Variants in CRYL1 observed in about 807,000 individuals in gnomAD.
The protein encoded by CRYL1 is crystallin lambda 1, also known as lambda-crystallin homolog.
In CRYL1, 29 loss-of-function variants were observed where a neutral mutation model predicts 36.6. The ratio of observed to expected loss-of-function variants is 0.79; its 90% CI spans 0.59 to 1.08. The LOEUF (loss-of-function observed/expected upper bound fraction) is 1.08. Ranked by LOEUF, CRYL1 falls within the 50% of genes least tolerant of loss-of-function variation. CRYL1 has a pLI of 0.00. For missense variants in CRYL1, 411 were observed against 407.9 expected, an observed-to-expected ratio of 1.01 and a Z score of -0.06; for synonymous variants, 152 against 151.5, an observed-to-expected ratio of 1.00 and a Z score of -0.02.
intron 2 of CRYL1, among the ~76,000 whole-genome samples, chr13:20,510,564 T>C (rs1312670403): frequency 1.3e-5 from 2 of 151,786 alleles, no homozygotes; most frequent in African/African-American, 4.8e-5. Flanking sequence ...TAGATACATG[T>C]CAGTATACAT....
At chr13:20,462,128 G>A (rs1422560853) in intron 3 of CRYL1, among the ~76,000 whole-genome samples, 1 of 84,658 alleles carries the variant, frequency 1.2e-5, no homozygotes, top group Non-Finnish European at 2.6e-5. Flanking sequence ...CCTGGTGGGA[G>A]GGATGGAGTG....
At chr13:20,424,760 C>A (rs1276355104) in intron 5 of CRYL1, among the ~76,000 whole-genome samples, 1 of 152,196 alleles carries the variant, frequency 6.6e-6, no homozygotes, top group East Asian at 1.9e-4. Context: ...AGGGAGAACA[C>A]ATCCTTTCTG....
rs1281067236 is a variant in CRYL1, at chr13:20,525,711, TC to T, written c.41+42del. The T allele has an allele frequency of 6.0e-6, 8 of 1,330,018 alleles. No homozygotes were observed. Among genetic ancestry groups the T allele is most frequent in the Middle Eastern group, 2.6e-4 (1 of 3,892 alleles). 82.4% of individuals were successfully genotyped at this position (1,330,018 alleles called of 1,614,324 possible). A position where few individuals can be genotyped will look rare whatever the true frequency, so the allele number is the denominator to read the frequency against. On this transcript the variant is annotated intron_variant, in intron 1 of 7. Coordinates refer to ENST00000298248, the MANE Select transcript of CRYL1 (RefSeq NM_015974.3). The surrounding 1 kb of genome is among the most constrained non-coding windows in gnomAD (Gnocchi z 4.3). ...GCGAGGGCACCACGTCCCCGGCGTC[TC>T]CCCGGGCTCCAGGGGCAGCAGCGCG...
At chr13:20,442,983 A>G (rs1593447833) in intron 3 of CRYL1, among the ~76,000 whole-genome samples, 1 of 152,242 alleles carries the variant, frequency 6.6e-6, no homozygotes, top group East Asian at 1.9e-4. Context: ...CTCAGGCAGT[A>G]TCAGCAGCTG....
At chr13:20,422,832 G>A (rs1237200381) in intron 5 of CRYL1, among the ~76,000 whole-genome samples, 1 of 152,156 alleles carries the variant, frequency 6.6e-6, no homozygotes, top group Non-Finnish European at 1.5e-5. Context: ...AAATGCCACT[G>A]GAAGTTTGAT....
At position 20,410,234 on chromosome 13, in the gene CRYL1, G is replaced by A. The variant is rs535752179; in HGVS notation, c.739+3048C>T. Among the ~76,000 whole-genome samples the A allele has an allele frequency of 4.3e-4, 63 of 147,430 alleles. No homozygotes were observed. In the South Asian group the frequency reaches 0.014, roughly 32 times the overall value. On this transcript the variant is annotated intron_variant, in intron 6 of 7. Coordinates refer to ENST00000298248, the MANE Select transcript of CRYL1 (RefSeq NM_015974.3). ...ATGATGAGTTCATGTCCTCTGTAAG[G>A]ACATGGATGAAATTGGAAATCATCA... is the stretch of plus-strand genomic sequence containing the variant.
At chr13:20,444,727 T>C (rs1291233300) in intron 3 of CRYL1, among the ~76,000 whole-genome samples, 1 of 152,218 alleles carries the variant, frequency 6.6e-6, no homozygotes, top group Non-Finnish European at 1.5e-5. Flanking sequence ...TGAATACAAA[T>C]GTTTTTGGGG....
At chr13:20,487,467 G>A (rs2033423269) in intron 3 of CRYL1, among the ~76,000 whole-genome samples, 1 of 152,202 alleles carries the variant, frequency 6.6e-6, no homozygotes, top group African/African-American at 2.4e-5. Flanking sequence ...GACTCAAAAA[G>A]TGATTGTAAT....
In CRYL1 at chr13:20,414,254, T is replaced by TG. The variant is rs879313627; in HGVS notation, c.634-868_634-867insC. Among the ~76,000 whole-genome samples, 5,076 of 149,568 alleles carry TG rather than the reference T, an allele frequency of 0.034. 231 individuals carry two copies. Among genetic ancestry groups the TG allele is most frequent in the Admixed American group, 0.1 (1,570 of 15,164 alleles). On this transcript the variant is annotated intron_variant, in intron 5 of 7. Transcript: ENST00000298248. ...ATATGTATACACTAAAAAGAGATTT[T>TG]TTGTGTGTGTGTGTGTGTGTGTGAA...
intron 5 of CRYL1, chr13:20,427,244 C>G (rs2031953500): frequency 1.0e-6 from 1 of 985,278 alleles, no homozygotes; most frequent in African/African-American, 1.7e-5. Flanking sequence ...AGATTGTGGC[C>G]AGACATGTCC....
At chr13:20,428,879 A>T (rs1465951908) in intron 5 of CRYL1, among the ~76,000 whole-genome samples, 4 of 152,102 alleles carry the variant, frequency 2.6e-5, no homozygotes, top group Admixed American at 2.6e-4. Context: ...GCCCTGAACC[A>T]AGTCACCTGG....
At position 20,517,861 on chromosome 13, in the gene CRYL1, G is replaced by A. The variant is rs1014978099; in HGVS notation, c.42-5311C>T. Reference sequence around the variant, plus strand: ...TGAGGCAGGAGAATGGCGTGAACCCGGGAGGCGGAGCTTGCAGTGAGCCGA... The same window carrying A: ...TGAGGCAGGAGAATGGCGTGAACCCAGGAGGCGGAGCTTGCAGTGAGCCGA... On this transcript the variant is annotated intron_variant, in intron 1 of 7. Transcript: ENST00000298248. 4.0e-5 allele frequency among the ~76,000 whole-genome samples: 6 copies of A among 149,630 alleles called. No individual in the cohort carries two copies. The East Asian group carries it at 5.9e-4, about 15-fold the overall frequency.
intron 3 of CRYL1, among the ~76,000 whole-genome samples, chr13:20,450,002 A>G (rs1027154921): frequency 1.3e-5 from 2 of 152,266 alleles, no homozygotes; most frequent in African/African-American, 4.8e-5. Context: ...TAATATTGTT[A>G]ACATGGCCAT....
intron 3 of CRYL1, among the ~76,000 whole-genome samples, chr13:20,456,492 A>AAAAAG (rs1330504841): frequency 6.6e-6 from 1 of 151,354 alleles, no homozygotes; most frequent in Non-Finnish European, 1.5e-5. Context: ...AAAAAAAAAA[A>AAAAAG]AAAAGAAAAG....
intron 1 of CRYL1, among the ~76,000 whole-genome samples, chr13:20,519,251 GA>G: frequency 6.6e-6 from 1 of 152,274 alleles, no homozygotes; most frequent in South Asian, 2.1e-4. Context: ...GTGTAGTCAG[GA>G]AAGTGAAGGG....
At chr13:20,488,664 A>C (rs556725611) in intron 3 of CRYL1, among the ~76,000 whole-genome samples, 1 of 152,374 alleles carries the variant, frequency 6.6e-6, no homozygotes, top group East Asian at 1.9e-4. Context: ...GATACTGGGA[A>C]TAATGACTCT....
At chr13:20,467,876 A>G (rs2032974593) in intron 3 of CRYL1, among the ~76,000 whole-genome samples, 2 of 152,202 alleles carry the variant, frequency 1.3e-5, no homozygotes, top group Non-Finnish European at 2.9e-5. Context: ...CAGGCCACGC[A>G]GCAGGAGGTG....
chr13:20,469,213 A>G (rs1336414190), intron 3 of CRYL1, among the ~76,000 whole-genome samples: 1 of 152,254 alleles, frequency 6.6e-6, no homozygotes, highest in African/African-American at 2.4e-5. Context: ...CCACATAGGA[A>G]GATGTCAAGG....
rs185173360 is a variant in CRYL1 at position 20,517,526 on chromosome 13, C to T, written c.42-4976G>A. Among the ~76,000 whole-genome samples, 679 of 151,846 alleles carry T rather than the reference C, an allele frequency of 4.5e-3. 8 individuals carry two copies. Among genetic ancestry groups the T allele is most frequent in the African/African-American group, 0.016 (642 of 41,370 alleles). On this transcript the variant is annotated intron_variant, in intron 1 of 7. Transcript: ENST00000298248. ...AGGAGAATCGCTTGAACTTGGGAGG[C>T]GGAGGTTGCAGTGAGCTGAGATCGC...
Sources: allele counts gnomAD v4.1 joint callset (sites outside exome capture counted in the v4.1 genomes callset), GRCh38; gene constraint gnomAD v4.1.1; non-coding constraint Gnocchi (gnomAD v3.1); transcripts MANE v1.5; gene names NCBI Gene and HGNC (gene_info 2026-07-23, HGNC 2026-07-21).